FMN2: variants seen among roughly 807,000 people sequenced by gnomAD.
FMN2 encodes formin-2.
In FMN2, 51 loss-of-function variants were observed where a neutral mutation model predicts 142.3. The ratio of observed to expected loss-of-function variants is 0.36; its 90% CI spans 0.29 to 0.45. FMN2 has a LOEUF of 0.45. Ranked by LOEUF, FMN2 falls within the 20% of genes least tolerant of loss-of-function variation. The pLI is 1.00. For missense variants in FMN2, 1,936 were observed against 2,122.8 expected, an observed-to-expected ratio of 0.91 and a Z score of 1.73; for synonymous variants, 882 against 869.8, an observed-to-expected ratio of 1.01 and a Z score of -0.25.
chr1:240,366,569 C>T (rs530004261), intron 14 of FMN2, among the ~76,000 whole-genome samples: 14 of 143,542 alleles, frequency 9.8e-5, no homozygotes, highest in Admixed American at 5.7e-4. Flanking sequence ...GATGGAGTTT[C>T]GCTCTTGTTG....
At chr1:240,303,983 T>C (rs1252674634) in intron 8 of FMN2, among the ~76,000 whole-genome samples, 1 of 152,156 alleles carries the variant, frequency 6.6e-6, no homozygotes, top group East Asian at 1.9e-4. Flanking sequence ...TATTGTATTT[T>C]TCAGTTCTTT....
At chr1:240,261,942 T>TTG (rs1453183056) in intron 7 of FMN2, among the ~76,000 whole-genome samples, 1 of 152,064 alleles carries the variant, frequency 6.6e-6, no homozygotes, top group Non-Finnish European at 1.5e-5. Context: ...TTTACCCTTT[T>TTG]TGTGTGTGTG....
At chr1:240,451,468 A>G (rs905574916) in intron 16 of FMN2, among the ~76,000 whole-genome samples, 2 of 151,840 alleles carry the variant, frequency 1.3e-5, no homozygotes, top group Non-Finnish European at 2.9e-5. Context: ...GTCAGTACCA[A>G]CTCTTTTTGG....
At chr1:240,290,949 G>A (rs527458713) in intron 7 of FMN2, among the ~76,000 whole-genome samples, 1 of 151,970 alleles carries the variant, frequency 6.6e-6, no homozygotes, top group East Asian at 1.9e-4. Flanking sequence ...GAGTAGCTGG[G>A]ATTACAGGCA....
chr1:240,351,563 C>G (rs1672097951), intron 13 of FMN2, among the ~76,000 whole-genome samples: 1 of 152,146 alleles, frequency 6.6e-6, no homozygotes, highest in Non-Finnish European at 1.5e-5. Flanking sequence ...AAATACAGTT[C>G]ATATGAATGG....
At chr1:240,127,209 C>T (rs1222381254) in intron 2 of FMN2, among the ~76,000 whole-genome samples, 5 of 151,484 alleles carry the variant, frequency 3.3e-5, no homozygotes, top group Admixed American at 6.6e-5. Flanking sequence ...CTGCATCCTC[C>T]GCCTCCTGGG....
chr1:240,450,864 G>T (rs569712795), intron 16 of FMN2, among the ~76,000 whole-genome samples: 5 of 152,138 alleles, frequency 3.3e-5, no homozygotes, highest in Non-Finnish European at 7.3e-5. Context: ...GAAAGGGCAC[G>T]CAGACCGTTC....
At chr1:240,353,519 A>G (rs1277700502) in intron 13 of FMN2, among the ~76,000 whole-genome samples, 1 of 152,240 alleles carries the variant, frequency 6.6e-6, no homozygotes, top group Non-Finnish European at 1.5e-5. Flanking sequence ...AGTCAGGCAC[A>G]AATGGAAATA....
intron 6 of FMN2, among the ~76,000 whole-genome samples, chr1:240,249,340 T>G (rs922593015): frequency 6.6e-6 from 1 of 152,136 alleles, no homozygotes; most frequent in African/African-American, 2.4e-5. Flanking sequence ...TCCAGCACAA[T>G]TTATTGAAGA....
Position 240,473,984 on chromosome 1 carries a change from T to C in FMN2, c.5143-144T>C. ...ATAACACAGATCCCACTTATACTTT[T>C]TTCCTTTATGGACTGGTAGACCTTT... On this transcript the variant is annotated intron_variant, in intron 17 of 17. Transcript: ENST00000319653. This position sits in a 1 kb window ranked among gnomAD's most constrained non-coding sequence, Gnocchi z 4.3. 1.6e-6 allele frequency: 1 copy of C among 631,640 alleles called. No individual in the cohort carries two copies. The highest frequency in any genetic ancestry group is 2.7e-6 in the Non-Finnish European group (1 of 376,320). The allele number at this position is 631,640 out of a possible 1,614,324, so 39.1% of individuals were successfully genotyped here.
intron 16 of FMN2, among the ~76,000 whole-genome samples, chr1:240,442,082 C>T (rs1465324881): frequency 6.6e-6 from 1 of 152,140 alleles, no homozygotes; most frequent in Non-Finnish European, 1.5e-5. Flanking sequence ...TGTGTCTGTA[C>T]CTGTCCCTTC....
At chr1:240,299,402 C>T (rs1346689933) in intron 8 of FMN2, among the ~76,000 whole-genome samples, 1 of 152,110 alleles carries the variant, frequency 6.6e-6, no homozygotes, top group Non-Finnish European at 1.5e-5. Flanking sequence ...ATTTACATTT[C>T]AAATGCTCTG....
At chr1:240,383,138 A>C (rs1056343343) in intron 14 of FMN2, among the ~76,000 whole-genome samples, 1 of 152,192 alleles carries the variant, frequency 6.6e-6, no homozygotes, top group Non-Finnish European at 1.5e-5. Flanking sequence ...ACTTAAATGT[A>C]ATACCTGAAA....
intron 2 of FMN2, among the ~76,000 whole-genome samples, chr1:240,140,382 T>C (rs982681069): frequency 2.3e-4 from 35 of 152,220 alleles, no homozygotes; most frequent in African/African-American, 8.2e-4. Context: ...ACAAGAAAAT[T>C]ACGTTCATTT....
chr1:240,272,006 TG>T (rs1449869366), intron 7 of FMN2, among the ~76,000 whole-genome samples: 1 of 152,166 alleles, frequency 6.6e-6, no homozygotes, highest in African/African-American at 2.4e-5. Context: ...ATGCAATACT[TG>T]GGGTTGTACC....
Position 240,361,173 on chromosome 1 carries a change from AT to A in FMN2, c.4858+5266del, listed in dbSNP as rs1672465868. 2.8e-5 allele frequency among the ~76,000 whole-genome samples: 3 copies of A among 107,620 alleles called. 1 individual carries two copies. The highest frequency in any genetic ancestry group is 4.2e-5 in the Non-Finnish European group (2 of 48,090). 70.6% of individuals were successfully genotyped at this position (107,620 alleles called of 152,430 possible). On this transcript the variant is annotated intron_variant, in intron 14 of 17. Coordinates refer to ENST00000319653, the MANE Select transcript of FMN2 (RefSeq NM_020066.5). ...TATATATATATATATATATATATAT[AT>A]ATATATATATAAAAGAGTTTAAAGA... is the stretch of plus-strand genomic sequence containing the variant.
chr1:240,437,180 C>T (rs1675407054), intron 15 of FMN2, among the ~76,000 whole-genome samples: 1 of 152,050 alleles, frequency 6.6e-6, no homozygotes, highest in Admixed American at 6.6e-5. Context: ...TGAGTGGCAC[C>T]TTCTGAAAAC....
At chr1:240,135,106 C>T (rs1213136421) in intron 2 of FMN2, among the ~76,000 whole-genome samples, 6 of 152,116 alleles carry the variant, frequency 3.9e-5, no homozygotes, top group East Asian at 3.9e-4. Context: ...TGACAGATAA[C>T]GTGGCATGGA....
intron 4 of FMN2, among the ~76,000 whole-genome samples, chr1:240,192,559 G>T (rs761702299): frequency 2.0e-5 from 3 of 152,080 alleles, no homozygotes; most frequent in Non-Finnish European, 4.4e-5. Context: ...AAAATAAGGC[G>T]GAGTAAGAAA....
Sources: allele counts gnomAD v4.1 joint callset (sites outside exome capture counted in the v4.1 genomes callset), GRCh38; gene constraint gnomAD v4.1.1; non-coding constraint Gnocchi (gnomAD v3.1); transcripts MANE v1.5; gene names NCBI Gene and HGNC (gene_info 2026-07-23, HGNC 2026-07-21).